MUC22: variants seen among roughly 807,000 people sequenced by gnomAD.
MUC22 encodes mucin-22.
Under a neutral mutation model 40.3 loss-of-function variants are expected in MUC22, and 24 were observed. The observed-to-expected ratio is 0.60, with a 90% confidence interval of 0.43 to 0.84. The LOEUF (loss-of-function observed/expected upper bound fraction) is 0.84. Among genes scored for constraint, MUC22 ranks in the 40% least tolerant of loss-of-function variants. The pLI is 0.00. For synonymous variants in MUC22, 765 were observed against 844.5 expected (o/e 0.91, Z 1.63); for missense variants, 1,926 against 2,130.7 (o/e 0.90, Z 1.89).
chr6:31,018,552 C>T (rs1330242846), intron 1 of MUC22, among the ~76,000 whole-genome samples: 1 of 152,228 alleles, frequency 6.6e-6, no homozygotes, highest in Non-Finnish European at 1.5e-5. Context: ...TGTTATCTCT[C>T]CATCGTTTGT....
chr6:31,029,255 C>T (rs1398075547), exon 2 of MUC22: 4 of 1,535,310 alleles, frequency 2.6e-6, no homozygotes, highest in Non-Finnish European at 3.5e-6. Context: ...GGCACTGAGA[C>T]TACCATCACC....
chr6:31,007,218 G>A (rs2523920), upstream of MUC22, among the ~76,000 whole-genome samples: 22,501 of 147,600 alleles, frequency 0.15, 1,743 homozygotes, highest in Admixed American at 0.21. This position sits in a 1 kb window ranked among gnomAD's most constrained non-coding sequence, Gnocchi z 4.0. Flanking sequence ...GTTTTTGAAC[G>A]TATACACAAC....
intron 1 of MUC22, among the ~76,000 whole-genome samples, chr6:31,021,852 T>TA (rs1407055761): frequency 1.3e-5 from 2 of 152,118 alleles, no homozygotes; most frequent in Non-Finnish European, 2.9e-5. Context: ...TTGGGTCGTT[T>TA]TCCACACTGT....
intron 1 of MUC22, among the ~76,000 whole-genome samples, chr6:31,022,381 A>T (rs1417819973): frequency 6.6e-6 from 1 of 152,072 alleles, no homozygotes; most frequent in Non-Finnish European, 1.5e-5. Context: ...TTAGGCTGGT[A>T]TCGAACTCCT....
Position 31,032,703 on chromosome 6 carries a change from A to G in MUC22, c.5055+122A>G. On this transcript the variant is annotated intron_variant, in intron 3 of 3. Coordinates refer to ENST00000561890, the Ensembl canonical transcript of MUC22. This position sits in a 1 kb window ranked among gnomAD's most constrained non-coding sequence, Gnocchi z 4.1. ...AGTAAGTTGGTGCGCTCAGAAGGAA[A>G]GAATCACCTAGCCTGATATAAGGAC... The G allele has an allele frequency of 1.9e-6, 2 of 1,048,252 alleles. No individual in the cohort carries two copies. Among genetic ancestry groups the G allele is most frequent in the Non-Finnish European group, 2.7e-6 (2 of 742,510 alleles). 64.9% of individuals were successfully genotyped at this position (1,048,252 alleles called of 1,614,324 possible).
intron 1 of MUC22, among the ~76,000 whole-genome samples, chr6:31,016,507 C>T (rs1184018527): frequency 6.6e-6 from 1 of 152,204 alleles, no homozygotes; most frequent in East Asian, 1.9e-4. Context: ...CTGTCTAGAG[C>T]ATACTAGCAT....
At chr6:31,023,362 C>T (rs1316023915) in intron 1 of MUC22, among the ~76,000 whole-genome samples, 1 of 151,838 alleles carries the variant, frequency 6.6e-6, no homozygotes, top group Non-Finnish European at 1.5e-5. Context: ...ATAGGGAGAC[C>T]CCATCTTTAC....
At chr6:31,023,167 A>T (rs997167765) in intron 1 of MUC22, among the ~76,000 whole-genome samples, 29 of 86,576 alleles carry the variant, frequency 3.3e-4, no homozygotes, top group African/African-American at 9.4e-4. Context: ...TGGGTTAATT[A>T]AAAAAAAAAA....
rs752434398 is a variant in MUC22, at chr6:31,027,311, C to T, written c.1880C>T (p.Thr627Ile). 8 of 1,533,362 alleles carry T rather than the reference C, an allele frequency of 5.2e-6. 1 individual carries two copies. In the South Asian group the frequency reaches 8.3e-5, roughly 16 times the overall value. The allele number at this position is 1,533,362 out of a possible 1,614,324, so 95.0% of individuals were successfully genotyped here. The change falls in exon 2 of 4, where the codon ACA (threonine) becomes ATA (isoleucine). Residue 627 changes from threonine (T) to isoleucine (I), a missense_variant. Thr to Ile is a moderately conservative substitution (Grantham distance 89, BLOSUM62 -1). Around this residue, in one of 3 missense-constraint regions of MUC22, gnomAD observed 1,281 missense variants for 1,337.8 expected, o/e 0.96. Transcript: ENST00000561890. ...TCTACCACAGGCTCTGAGACCACCA[C>T]AGCCTCTACTGAAGGCTCTGAGACC...
chr6:31,021,593 G>GTT (rs1487083638), intron 1 of MUC22, among the ~76,000 whole-genome samples: 2 of 141,238 alleles, frequency 1.4e-5, no homozygotes, highest in Non-Finnish European at 3.1e-5. Flanking sequence ...CTCAAAGTTT[G>GTT]TGAGTGCACC....
chr6:31,017,088 C>T (rs1220320843), intron 1 of MUC22, among the ~76,000 whole-genome samples: 1 of 152,244 alleles, frequency 6.6e-6, no homozygotes, highest in African/African-American at 2.4e-5. Context: ...CCCCACGCCG[C>T]CATGGGCTCC....
At chr6:31,026,848 C>G (rs2150787718) in exon 2 of MUC22, 1 of 1,457,178 alleles carries the variant, frequency 6.9e-7, no homozygotes, top group Admixed American at 2.1e-5. Context: ...CTCTACTGCA[C>G]ATTCTGAGAC....
intron 1 of MUC22, among the ~76,000 whole-genome samples, chr6:31,021,413 C>T (rs1461979921): frequency 1.3e-5 from 2 of 150,674 alleles, no homozygotes; most frequent in East Asian, 1.9e-4. Context: ...AATCAGCACC[C>T]TGTGTCTAGC....
At chr6:31,025,826 C>T (rs1432462113) in exon 2 of MUC22, 3 of 1,533,492 alleles carry the variant, frequency 2.0e-6, no homozygotes, top group Non-Finnish European at 2.6e-6. Context: ...GTGGCCTCCA[C>T]CACAGTCTCT....
intron 1 of MUC22, among the ~76,000 whole-genome samples, chr6:31,016,642 A>T (rs1764222136): frequency 6.6e-6 from 1 of 152,250 alleles, no homozygotes; most frequent in South Asian, 2.1e-4. Context: ...GGGTGCTGGC[A>T]GCCCTCGCTC....
At chr6:31,024,198 A>G (rs916997377) in intron 1 of MUC22, among the ~76,000 whole-genome samples, 3 of 152,260 alleles carry the variant, frequency 2.0e-5, no homozygotes, top group Non-Finnish European at 4.4e-5. Context: ...AGAAGACTAA[A>G]GAGACAGAAC....
rs755237623 is a variant in MUC22, at chr6:31,029,423, C to T, written c.3992C>T (p.Ala1331Val). 6.9e-4 allele frequency: 1,061 copies of T among 1,534,750 alleles called. No individual in the cohort carries two copies. The highest frequency in any genetic ancestry group is 9.1e-4 in the Non-Finnish European group (1,039 of 1,146,690). The change falls in exon 2 of 4, where the codon GCA becomes GTA. Residue 1331 changes from alanine to valine, a missense_variant. Ala to Val is a moderately conservative substitution (Grantham distance 64). Transcript: ENST00000561890. ...TCTGAGACCACCACAGCCTCTACCGCAGATTTGGAGACCACCACAGTCTCC... is the reference window on the plus strand; with the variant it reads ...TCTGAGACCACCACAGCCTCTACCGTAGATTTGGAGACCACCACAGTCTCC...
chr6:31,030,201 A>T (rs1562620777), intron 2 of MUC22, 101 bp downstream of exon 2: 66 of 1,297,950 alleles, frequency 5.1e-5, no homozygotes, highest in South Asian at 4.5e-4. Context: ...GTTCAAGTCA[A>T]GCCAGCACAC....
intron 1 of MUC22, among the ~76,000 whole-genome samples, chr6:31,023,859 C>T (rs758478827): frequency 6.6e-6 from 1 of 152,036 alleles, no homozygotes; most frequent in African/African-American, 2.4e-5. Flanking sequence ...TAAAGAGAGA[C>T]ATTTCATAAT....
Sources: allele counts gnomAD v4.1 joint callset (sites outside exome capture counted in the v4.1 genomes callset), GRCh38; gene constraint gnomAD v4.1.1; regional missense constraint gnomAD v4.1.1; non-coding constraint Gnocchi (gnomAD v3.1); transcripts MANE v1.5; gene names NCBI Gene and HGNC (gene_info 2026-07-23, HGNC 2026-07-21).